EML1: variants seen among roughly 807,000 people sequenced by gnomAD.
EML1 encodes echinoderm microtubule-associated protein-like 1.
Under a neutral mutation model 110.4 loss-of-function variants are expected in EML1, and 27 were observed. That is an observed-to-expected ratio of 0.24 (90% CI 0.18 to 0.34). The LOEUF is 0.34. Among genes scored for constraint, EML1 ranks in the 10% least tolerant of loss-of-function variants. EML1 has a pLI of 1.00. For synonymous variants in EML1, 344 were observed against 385.8 expected (o/e 0.89, Z 1.27); for missense variants, 741 against 1,030.9 (o/e 0.72, Z 3.85).
chr14:99,799,108 C>A (rs1279378985), intron 1 of EML1, among the ~76,000 whole-genome samples: 1 of 152,168 alleles, frequency 6.6e-6, no homozygotes, highest in Non-Finnish European at 1.5e-5. Flanking sequence ...GGCCTGGCTT[C>A]TTCTCCTGCA....
intron 17 of EML1, among the ~76,000 whole-genome samples, chr14:99,927,302 C>A (rs1268355035): frequency 6.6e-6 from 1 of 152,178 alleles, no homozygotes; most frequent in Non-Finnish European, 1.5e-5. Flanking sequence ...ATGAAACTGG[C>A]TCGTTTGTCC....
intron 7 of EML1, 54 bp from the exon 8 acceptor site, chr14:99,898,179 A>G: frequency 2.7e-6 from 4 of 1,466,186 alleles, no homozygotes; most frequent in Non-Finnish European, 3.7e-6. Context: ...TGAGCAAGGG[A>G]AAAGTAAAAC....
At chr14:99,775,109 A>G (rs1157578632) in intron 1 of EML1, among the ~76,000 whole-genome samples, 2 of 152,274 alleles carry the variant, frequency 1.3e-5, no homozygotes, top group Non-Finnish European at 2.9e-5. Flanking sequence ...CGCACTGCCC[A>G]GGACACAGAG....
At chr14:99,930,353 G>C (rs557397465) in intron 17 of EML1, among the ~76,000 whole-genome samples, 3 of 152,328 alleles carry the variant, frequency 2.0e-5, no homozygotes, top group Admixed American at 2.0e-4. Context: ...AGTCAGCACT[G>C]GAACTCTGGG....
intron 1 of EML1, among the ~76,000 whole-genome samples, chr14:99,819,420 T>G (rs189740294): frequency 6.6e-6 from 1 of 152,328 alleles, no homozygotes; most frequent in East Asian, 1.9e-4. Context: ...ACATTTTTAT[T>G]TTAAAAGTAG....
chr14:99,819,945 C>G (rs1478750802), intron 1 of EML1, among the ~76,000 whole-genome samples: 8 of 152,222 alleles, frequency 5.3e-5, no homozygotes, highest in Non-Finnish European at 8.8e-5. Context: ...TAAAATGACT[C>G]TTAGCCCTGA....
At chr14:99,808,923 A>G (rs187594868) in intron 1 of EML1, among the ~76,000 whole-genome samples, 112 of 152,306 alleles carry the variant, frequency 7.4e-4, no homozygotes, top group Non-Finnish European at 1.1e-3. Context: ...ACTTTATCAT[A>G]TTTATCTTAC....
At chr14:99,937,078 A>C (rs1385910973) in intron 19 of EML1, among the ~76,000 whole-genome samples, 1 of 152,206 alleles carries the variant, frequency 6.6e-6, no homozygotes, top group Non-Finnish European at 1.5e-5. Flanking sequence ...CTCAGAGCCC[A>C]AAACACAGGC....
At chr14:99,918,785 C>T (rs368188747) in intron 16 of EML1, among the ~76,000 whole-genome samples, 5 of 151,950 alleles carry the variant, frequency 3.3e-5, no homozygotes, top group African/African-American at 9.7e-5. Context: ...ACTGTACCCT[C>T]GCCTAAGCCA....
chr14:99,823,032 G>A (rs994509645), intron 1 of EML1, among the ~76,000 whole-genome samples: 5 of 152,116 alleles, frequency 3.3e-5, no homozygotes, highest in Non-Finnish European at 7.4e-5. Context: ...GTTCCAGCAA[G>A]CCTAAGCGCC....
chr14:99,823,343 C>G (rs1406960936), intron 1 of EML1, among the ~76,000 whole-genome samples: 1 of 151,974 alleles, frequency 6.6e-6, no homozygotes, highest in Non-Finnish European at 1.5e-5. Flanking sequence ...GTGGCTGTGT[C>G]CCCACTTAGC....
At chr14:99,919,675 A>G (rs1285610310) in intron 16 of EML1, among the ~76,000 whole-genome samples, 1 of 152,152 alleles carries the variant, frequency 6.6e-6, no homozygotes, top group Non-Finnish European at 1.5e-5. Flanking sequence ...ACCTCTTGCC[A>G]TTCAGGTCCT....
intron 9 of EML1, among the ~76,000 whole-genome samples, chr14:99,902,678 T>A (rs1436961077): frequency 6.6e-6 from 1 of 152,252 alleles, no homozygotes; most frequent in African/African-American, 2.4e-5. Flanking sequence ...CTCTGTTCCA[T>A]AAGGAATCTC....
At position 99,865,633 on chromosome 14, in the gene EML1, C is replaced by T; in HGVS notation, c.370C>T (p.Pro124Ser). ...CGGGGTCAGGAAAGAAACTGCTGTG[C>T]CAGCAACCAAAAGGTGAGCCAGAAG... The part of the protein sequence containing the change: ...PSGVRKETAV[P>S]ATKSNIKRTS... Residue 124 changes from proline to serine, a missense_variant, in exon 3 of 22, where the codon CCA (proline) becomes TCA (serine). Physicochemically the swap from Pro to Ser is moderately conservative, Grantham distance 74. This residue lies in a region of EML1 where 226 missense variants were observed against 255.6 expected (regional missense o/e 0.88). Transcript: ENST00000262233. 1 of 1,614,034 alleles carries T rather than the reference C, an allele frequency of 6.2e-7. No individual in the cohort carries two copies. Among genetic ancestry groups the T allele is most frequent in the Non-Finnish European group, 8.5e-7 (1 of 1,179,964 alleles).
chr14:99,927,796 G>A (rs1418433044), intron 17 of EML1, among the ~76,000 whole-genome samples: 1 of 77,428 alleles, frequency 1.3e-5, no homozygotes, highest in Non-Finnish European at 2.6e-5. Context: ...GGTGGTATTG[G>A]TGGTGGGGGG....
At chr14:99,806,828 A>G (rs1183685112) in intron 1 of EML1, among the ~76,000 whole-genome samples, 3 of 151,992 alleles carry the variant, frequency 2.0e-5, no homozygotes, top group African/African-American at 7.3e-5. Context: ...GCTGGGAAAA[A>G]ATTTAGAGCT....
chr14:99,890,534 C>T (rs1467200950), intron 4 of EML1, among the ~76,000 whole-genome samples: 2 of 152,150 alleles, frequency 1.3e-5, no homozygotes, highest in Non-Finnish European at 2.9e-5. Flanking sequence ...CTAGGGATGT[C>T]CAGTCTGCCT....
chr14:99,908,865 G>T (rs2059900578), intron 10 of EML1, among the ~76,000 whole-genome samples: 1 of 152,184 alleles, frequency 6.6e-6, no homozygotes, highest in South Asian at 2.1e-4. Context: ...ATCCATTCCA[G>T]GGCCCTCCCT....
chr14:99,872,165 G>A lies in EML1; in HGVS notation c.384-6320G>A, dbSNP rs186097680. Reference sequence around the variant, plus strand: ...GGTCTGATGTTGTTAAGGGGATGTCGGGGCCAAACACCAAGTAAGGAAACA... The same window carrying A: ...GGTCTGATGTTGTTAAGGGGATGTCAGGGCCAAACACCAAGTAAGGAAACA... On this transcript the variant is annotated intron_variant, in intron 3 of 21. Transcript: ENST00000262233. 2.0e-5 allele frequency among the ~76,000 whole-genome samples: 3 copies of A among 152,250 alleles called. No individual in the cohort carries two copies. In the East Asian group the frequency reaches 5.8e-4, roughly 29 times the overall value.
Sources: allele counts gnomAD v4.1 joint callset (sites outside exome capture counted in the v4.1 genomes callset), GRCh38; gene constraint gnomAD v4.1.1; regional missense constraint gnomAD v4.1.1; transcripts MANE v1.5; gene names NCBI Gene and HGNC (gene_info 2026-07-23, HGNC 2026-07-21).